The following ANK1 variants were observed in gnomAD, a reference collection of about 807,000 sequenced individuals.
The protein encoded by ANK1 is ankyrin 1.
ANK1 carries 51 observed loss-of-function variants against 210.4 expected under a neutral mutation model. The observed-to-expected ratio is 0.24, with a 90% confidence interval of 0.19 to 0.31. The LOEUF (loss-of-function observed/expected upper bound fraction) is 0.31, where lower values mean the gene tolerates loss of function less well. ANK1 is among the 10% of genes least tolerant of loss of function. The pLI is 1.00. For missense variants in ANK1, 2,051 were observed against 2,504.4 expected, an observed-to-expected ratio of 0.82 and a Z score of 3.86; for synonymous variants, 967 against 1,025.9, an observed-to-expected ratio of 0.94 and a Z score of 1.10.
In ANK1 at chr8:41,700,211, G is replaced by A. The variant is rs955460599; in HGVS notation, c.2462-663C>T. On this transcript the variant is annotated intron_variant, in intron 22 of 42. Transcript: ENST00000289734. ...CTCATGCGGTTATGATCATAAACAC[G>A]GTGGCATGGGCACAGACACAAAGAT... Among the ~76,000 whole-genome samples, 4 of 152,298 alleles carry A rather than the reference G, an allele frequency of 2.6e-5. No individual in the cohort carries two copies. The East Asian group carries it at 5.8e-4, about 22-fold the overall frequency.
At chr8:41,892,613 G>T (rs1587657665) in intron 1 of ANK1, among the ~76,000 whole-genome samples, 1 of 152,290 alleles carries the variant, frequency 6.6e-6, no homozygotes, top group South Asian at 2.1e-4. Flanking sequence ...CAAAAGATTA[G>T]ATGGTTCCAC....
chr8:41,872,521 A>G (rs952776073), intron 1 of ANK1, among the ~76,000 whole-genome samples: 2 of 152,164 alleles, frequency 1.3e-5, no homozygotes, highest in African/African-American at 4.8e-5. Context: ...ACTAAGCCAC[A>G]TTTCTGGAAG....
intron 33 of ANK1, among the ~76,000 whole-genome samples, chr8:41,689,938 C>T: frequency 6.6e-6 from 1 of 152,166 alleles, no homozygotes; most frequent in Non-Finnish European, 1.5e-5. Context: ...CCTAGGGAGC[C>T]CAGGGTCCAC....
chr8:41,655,710 G>A lies in ANK1; in HGVS notation c.*80C>T. On this transcript the variant is annotated 3_prime_UTR_variant, in exon 43 of 43. Transcript: ENST00000289734. ...GGTCCAGCTCTCCTCCTGTGTGCAT[G>A]GCAGAGTGTGTGGGGTTCAGGGGTT... 6.2e-7 allele frequency: 1 copy of A among 1,613,908 alleles called. No individual in the cohort carries two copies. The highest frequency in any genetic ancestry group is 1.1e-5 in the South Asian group (1 of 91,084).
chr8:41,890,708 C>CAAAAAAAAAAAAAAAAAAAAAAAAAAA, intron 1 of ANK1, among the ~76,000 whole-genome samples: 1 of 63,026 alleles, frequency 1.6e-5, no homozygotes, highest in African/African-American at 4.3e-5. Context: ...GACTCCGTCT[C>CAAAAAAAAAAAAAAAAAAAAAAAAAAA]AAAAAAAAAA....
In ANK1 at chr8:41,694,394, G is replaced by A. The variant is rs186144232; in HGVS notation, c.3327+198C>T. Among the ~76,000 whole-genome samples, 10 of 152,310 alleles carry A rather than the reference G, an allele frequency of 6.6e-5. No individual in the cohort carries two copies. The East Asian group carries it at 1.9e-3, about 29-fold the overall frequency. On this transcript the variant is annotated intron_variant, in intron 28 of 42. Transcript: ENST00000289734. This position sits in a 1 kb window ranked among gnomAD's most constrained non-coding sequence, Gnocchi z 5.7. ...GCCGTGCAGCTTGATGGGTTACCAG[G>A]GGTTCTGCAACTTATCAGGGAGCTT...
intron 24 of ANK1, 90 bp from the exon 25 acceptor site, chr8:41,696,863 C>A: frequency 7.9e-7 from 1 of 1,260,732 alleles, no homozygotes; most frequent in Non-Finnish European, 1.1e-6. Context: ...AGAACCTTGC[C>A]GCTAGAAACC....
At chr8:41,896,720 G>C in exon 1 of ANK1, 1 of 241,968 alleles carries the variant, frequency 4.1e-6, no homozygotes, top group Admixed American at 6.1e-5. Flanking sequence ...GAGCTCGCTT[G>C]CCGGCGCCCG....
intron 1 of ANK1, among the ~76,000 whole-genome samples, chr8:41,840,828 G>A (rs1808757186): frequency 6.6e-6 from 1 of 152,190 alleles, no homozygotes; most frequent in Non-Finnish European, 1.5e-5. Flanking sequence ...CAAGAAAAGA[G>A]TGGCCCGCTT....
At chr8:41,679,558 CTTTTTTTTTTTTTT>C (rs869249907) in intron 37 of ANK1, among the ~76,000 whole-genome samples, 2 of 90,242 alleles carry the variant, frequency 2.2e-5, no homozygotes, top group African/African-American at 4.3e-5. Context: ...CCTGGACTTT[CTTTTTTTTTTTTTT>C]TTTTTTTTGA....
At chr8:41,667,871 C>G (rs1563354039) in intron 39 of ANK1, among the ~76,000 whole-genome samples, 1 of 152,184 alleles carries the variant, frequency 6.6e-6, no homozygotes, top group African/African-American at 2.4e-5. Flanking sequence ...GGCACGTCAC[C>G]CAGGTCACCA....
intron 5 of ANK1, 41 bp from the exon 6 acceptor site, chr8:41,725,987 C>A: frequency 6.3e-7 from 1 of 1,599,364 alleles, no homozygotes; most frequent in East Asian, 2.2e-5. Flanking sequence ...ACTCGTCTGA[C>A]GCCAGCCGCC....
At chr8:41,884,746 C>T (rs894374832) in intron 1 of ANK1, among the ~76,000 whole-genome samples, 2 of 152,076 alleles carry the variant, frequency 1.3e-5, no homozygotes, top group African/African-American at 4.8e-5. Flanking sequence ...TTGGGAGGAT[C>T]GTTTGAGCCC....
intron 38 of ANK1, among the ~76,000 whole-genome samples, chr8:41,668,902 C>T (rs935613402): frequency 6.6e-6 from 1 of 152,178 alleles, no homozygotes; most frequent in Admixed American, 6.5e-5. Context: ...TCTCATCCCA[C>T]ATCCTCAAAC....
In ANK1 at chr8:41,688,506, C is replaced by A; in HGVS notation, c.4183+5G>T. ...CAAGCATGCATCATCACACAGAGGC[C>A]GTACCTGGTGTGGACTCACTGAGAA... On this transcript the variant is annotated splice_donor_5th_base_variant and intron_variant, in intron 34 of 42. Transcript: ENST00000289734. The A allele has an allele frequency of 6.2e-7, 1 of 1,613,884 alleles. No individual in the cohort carries two copies. The highest frequency in any genetic ancestry group is 8.5e-7 in the Non-Finnish European group (1 of 1,179,742).
At chr8:41,880,579 T>C (rs1817403315) in intron 1 of ANK1, among the ~76,000 whole-genome samples, 2 of 152,226 alleles carry the variant, frequency 1.3e-5, no homozygotes, top group Non-Finnish European at 2.9e-5. Context: ...CAATACTGCA[T>C]GTGCCCCCAG....
intron 2 of ANK1, among the ~76,000 whole-genome samples, chr8:41,747,575 C>A (rs1265831660): frequency 6.6e-6 from 1 of 152,194 alleles, no homozygotes; most frequent in East Asian, 1.9e-4. Context: ...CAGGTCCTAG[C>A]ATGGAGCCTG....
At chr8:41,763,397 C>A (rs1182072589) in intron 1 of ANK1, among the ~76,000 whole-genome samples, 1 of 152,042 alleles carries the variant, frequency 6.6e-6, no homozygotes, top group South Asian at 2.1e-4. Context: ...CTTATAACAA[C>A]CTGTGGGTAG....
rs1329554136 is a variant in ANK1 at position 41,797,389 on chromosome 8, A to T, written c.27+123T>A. On this transcript the variant is annotated intron_variant, in intron 1 of 42. Transcript: ENST00000289734. This position sits in a 1 kb window ranked among gnomAD's most constrained non-coding sequence, Gnocchi z 4.0. The stretch of plus-strand genomic sequence containing the variant: ...GCCGCTATGCTAAGGCAGGGAGCCC[A>T]CGGGGAGGCGAGGCGGGTGGGGTGT... 1.3e-5 allele frequency: 11 copies of T among 859,384 alleles called. No homozygotes were observed. In the Admixed American group the frequency reaches 2.3e-4, roughly 18 times the overall value. 53.2% of individuals were successfully genotyped at this position (859,384 alleles called of 1,614,324 possible).
Sources: gnomAD v4.1 joint callset for allele counts (sites outside exome capture counted in the v4.1 genomes callset) on GRCh38, gnomAD v4.1.1 for gene constraint, Gnocchi (gnomAD v3.1) non-coding constraint, MANE v1.5 for transcripts, NCBI Gene and HGNC (gene_info 2026-07-23, HGNC 2026-07-21) for gene names.